The following RABGEF1 variants were observed in gnomAD, a reference collection of about 807,000 sequenced individuals.
RABGEF1 encodes RAB guanine nucleotide exchange factor 1.
A neutral mutation model predicts 57.3 loss-of-function variants in RABGEF1; 26 were observed. The ratio of observed to expected loss-of-function variants is 0.45; its 90% confidence interval spans 0.33 to 0.63. RABGEF1 has a LOEUF of 0.63. Among genes scored for constraint, RABGEF1 ranks in the 20% least tolerant of loss-of-function variants. The pLI is 0.02. For missense variants in RABGEF1, 464 were observed against 607.6 expected (o/e 0.76, Z 2.48); for synonymous variants, 185 against 210.7 (o/e 0.88, Z 1.06).
chr7:66,709,700 G>A (rs1329100501), intron 1 of RABGEF1, among the ~76,000 whole-genome samples: 2 of 152,094 alleles, frequency 1.3e-5, no homozygotes, highest in East Asian at 3.8e-4. Context: ...GCTTGAACCT[G>A]GGAGGTGGAG....
chr7:66,686,248 T>TC, intron 1 of RABGEF1, among the ~76,000 whole-genome samples: 1 of 148,400 alleles, frequency 6.7e-6, no homozygotes, highest in South Asian at 2.1e-4. Context: ...GCCACTGCAC[T>TC]CCATCCTGGG....
intron 2 of RABGEF1, among the ~76,000 whole-genome samples, chr7:66,732,307 C>T (rs1280563005): frequency 6.6e-6 from 1 of 152,132 alleles, no homozygotes; most frequent in African/African-American, 2.4e-5. Flanking sequence ...GGTGCGAGGC[C>T]TCTGGGGCTG....
At chr7:66,761,193 C>G (rs1804247337) in intron 1 of RABGEF1, among the ~76,000 whole-genome samples, 1 of 152,130 alleles carries the variant, frequency 6.6e-6, no homozygotes, top group Middle Eastern at 3.2e-3. Context: ...ACCACACCAG[C>G]TGGGTGTCTT....
At chr7:66,680,308 G>A (rs370153189), upstream of RABGEF1, among the ~76,000 whole-genome samples, 5 of 151,520 alleles carry the variant, frequency 3.3e-5, no homozygotes, top group Admixed American at 2.6e-4. Context: ...GTGCAATGTC[G>A]TGATCTCGGC....
At chr7:66,732,834 A>G (rs1387466389) in intron 2 of RABGEF1, among the ~76,000 whole-genome samples, 1 of 151,888 alleles carries the variant, frequency 6.6e-6, no homozygotes, top group African/African-American at 2.4e-5. Context: ...TAGCCACATG[A>G]CAGTGTTTAA....
At chr7:66,763,004 A>AT (rs1392730085) in intron 1 of RABGEF1, among the ~76,000 whole-genome samples, 1 of 152,100 alleles carries the variant, frequency 6.6e-6, no homozygotes, top group Non-Finnish European at 1.5e-5. Context: ...TTTATTTTTT[A>AT]TTTTTATTTT....
At chr7:66,704,625 A>G (rs1300205005) in intron 1 of RABGEF1, among the ~76,000 whole-genome samples, 2 of 152,140 alleles carry the variant, frequency 1.3e-5, no homozygotes, top group Non-Finnish European at 2.9e-5. Flanking sequence ...CCTGGCTAAC[A>G]CTGTGAAACC....
At chr7:66,744,046 T>C (rs1342158402) in intron 1 of RABGEF1, among the ~76,000 whole-genome samples, 2 of 150,774 alleles carry the variant, frequency 1.3e-5, no homozygotes, top group African/African-American at 2.4e-5. Flanking sequence ...CTTTTCTTTT[T>C]TTTTTTTTTA....
chr7:66,724,978 G>C (rs1432320647), intron 2 of RABGEF1, among the ~76,000 whole-genome samples: 1 of 152,100 alleles, frequency 6.6e-6, no homozygotes, highest in African/African-American at 2.4e-5. Context: ...TTCAGCTCTA[G>C]AAGTTCCATT....
intron 2 of RABGEF1, among the ~76,000 whole-genome samples, chr7:66,734,324 G>C (rs1797685213): frequency 2.0e-5 from 3 of 152,194 alleles, no homozygotes; most frequent in Admixed American, 2.0e-4. Flanking sequence ...ATAGGATGGT[G>C]TGGGCTGGAA....
Position 66,734,797 on chromosome 7 carries a change from A to G in RABGEF1, c.-814-5199A>G, listed in dbSNP as rs528043659. Among the ~76,000 whole-genome samples, 4 of 152,170 alleles carry G rather than the reference A, an allele frequency of 2.6e-5. 1 individual carries two copies. The South Asian group carries it at 8.3e-4, about 32-fold the overall frequency. ...TATTGTTGTCATTTCTCGGTCTTCA[A>G]AAATGACGGACACTGCTGGTCGCTG... On this transcript the variant is annotated intron_variant and NMD_transcript_variant, in intron 2 of 9. Transcript: ENST00000607882.
upstream of RABGEF1, among the ~76,000 whole-genome samples, chr7:66,679,890 A>G (rs959623869): frequency 5.9e-5 from 9 of 152,064 alleles, no homozygotes; most frequent in African/African-American, 1.9e-4. Flanking sequence ...TCTACCCCAA[A>G]AACTAGCTGA....
At chr7:66,664,351 G>T in the RABGEF1 span, among the ~76,000 whole-genome samples, 1 of 151,928 alleles carries the variant, frequency 6.6e-6, no homozygotes, top group African/African-American at 2.4e-5. Flanking sequence ...AGGCCGAGGC[G>T]GGCAGATTAC....
Position 66,809,435 on chromosome 7 carries a change from A to G in RABGEF1, c.*151A>G. 5.2e-6 allele frequency: 4 copies of G among 772,210 alleles called. No homozygotes were observed. The South Asian group carries it at 1.1e-4, about 22-fold the overall frequency. The allele number at this position is 772,210 out of a possible 1,614,324, so 47.8% of individuals were successfully genotyped here. A position where few individuals can be genotyped will look rare whatever the true frequency, so the allele number is the denominator to read the frequency against. On this transcript the variant is annotated 3_prime_UTR_variant, in exon 9 of 9. Transcript: ENST00000284957. ...ATATGGGGATTGTTTCGTTTTTCCT[A>G]GCAGGGGAACCTTAGTTAATAATAA...
chr7:66,752,970 C>T (rs936918890), intron 1 of RABGEF1, among the ~76,000 whole-genome samples: 1 of 152,190 alleles, frequency 6.6e-6, no homozygotes, highest in Non-Finnish European at 1.5e-5. Context: ...CTATTGAGCA[C>T]CTCCTCAGTT....
chr7:66,684,004 T>C (rs1790198519), intron 1 of RABGEF1, among the ~76,000 whole-genome samples: 1 of 152,122 alleles, frequency 6.6e-6, no homozygotes, highest in Non-Finnish European at 1.5e-5. Context: ...AGTGTCCCAA[T>C]GTGCTGAAAT....
chr7:66,794,908 T>C (rs1324420066), intron 4 of RABGEF1, among the ~76,000 whole-genome samples: 1 of 152,182 alleles, frequency 6.6e-6, no homozygotes, highest in Non-Finnish European at 1.5e-5. Context: ...ATTAGATAAA[T>C]AGAAATGTAC....
upstream of RABGEF1, among the ~76,000 whole-genome samples, chr7:66,738,820 C>A (rs187143163): frequency 6.6e-6 from 1 of 151,636 alleles, no homozygotes; most frequent in Admixed American, 6.6e-5. Flanking sequence ...TCACAAAAGT[C>A]AGTTAAGAGC....
intron 1 of RABGEF1, among the ~76,000 whole-genome samples, chr7:66,752,541 C>T (rs1367180527): frequency 1.3e-5 from 2 of 151,954 alleles, no homozygotes. Context: ...AAAGCTCTCT[C>T]ATGGTTCCTC....
Sources: gnomAD v4.1 joint callset for allele counts (sites outside exome capture counted in the v4.1 genomes callset) on GRCh38, gnomAD v4.1.1 for gene constraint, MANE v1.5 for transcripts, NCBI Gene and HGNC (gene_info 2026-07-23, HGNC 2026-07-21) for gene names.